Variants in FBXL20 observed in about 807,000 individuals in gnomAD.
FBXL20 encodes the protein F-box/LRR-repeat protein 20.
Under a neutral mutation model 64.0 loss-of-function variants are expected in FBXL20, and 11 were observed. That is an observed-to-expected ratio of 0.17 (90% CI 0.11 to 0.28). The LOEUF is 0.28. Ranked by LOEUF, FBXL20 falls within the 10% of genes least tolerant of loss-of-function variation. The pLI, the probability that FBXL20 is intolerant of heterozygous loss-of-function variation, is 1.00. For synonymous variants in FBXL20, 184 were observed against 189.0 expected (o/e 0.97, Z 0.22); for missense variants, 303 against 526.2 (o/e 0.58, Z 4.15).
chr17:39,273,955 T>C (rs995109513), intron 10 of FBXL20, among the ~76,000 whole-genome samples: 6 of 152,036 alleles, frequency 3.9e-5, no homozygotes, highest in African/African-American at 7.2e-5. Context: ...CTCACTGCTG[T>C]CTTGACCTCC....
At chr17:39,292,975 T>C (rs2047053785) in intron 6 of FBXL20, among the ~76,000 whole-genome samples, 2 of 151,972 alleles carry the variant, frequency 1.3e-5, no homozygotes, top group Admixed American at 1.3e-4. Flanking sequence ...GTATTTTTAG[T>C]AGAGACGGGG....
chr17:39,281,104 T>G (rs1179606470), intron 9 of FBXL20, among the ~76,000 whole-genome samples: 1 of 152,186 alleles, frequency 6.6e-6, no homozygotes, highest in Non-Finnish European at 1.5e-5. Context: ...ATCATTTACA[T>G]TTTAAAAGTA....
At chr17:39,352,741 C>T (rs2047699836) in intron 1 of FBXL20, among the ~76,000 whole-genome samples, 2 of 150,952 alleles carry the variant, frequency 1.3e-5, no homozygotes, top group South Asian at 4.2e-4. Flanking sequence ...TCAACAGTGA[C>T]CCCTATTGCT....
chr17:39,273,905 ACT>A (rs1040856466), intron 10 of FBXL20, among the ~76,000 whole-genome samples: 5 of 151,264 alleles, frequency 3.3e-5, no homozygotes, highest in African/African-American at 1.2e-4. Context: ...AAAGAGTCTC[ACT>A]CTGTTGCCCA....
chr17:39,396,394 A>C (rs1189590645), intron 1 of FBXL20, among the ~76,000 whole-genome samples: 3 of 151,210 alleles, frequency 2.0e-5, no homozygotes, highest in Non-Finnish European at 4.4e-5. Flanking sequence ...TCAGTAGTTC[A>C]AGACCAGTCT....
At chr17:39,341,580 C>G (rs781616899) in intron 2 of FBXL20, among the ~76,000 whole-genome samples, 24 of 152,124 alleles carry the variant, frequency 1.6e-4, no homozygotes, top group Non-Finnish European at 3.1e-4. Context: ...ATATATGGTA[C>G]CTACAGGACT....
intron 6 of FBXL20, 52 bp from the exon 7 acceptor site, chr17:39,285,625 C>T (rs1168366849): frequency 1.7e-6 from 2 of 1,193,930 alleles, no homozygotes; most frequent in Non-Finnish European, 2.4e-6. Flanking sequence ...AAGTACACAT[C>T]CTTGGTATAT....
intron 9 of FBXL20, 95 bp from the exon 10 acceptor site, chr17:39,275,195 A>C: frequency 7.7e-7 from 1 of 1,302,482 alleles, no homozygotes; most frequent in Non-Finnish European, 1.0e-6. Context: ...ATCACCAAAA[A>C]GGAAATCAAG....
intron 10 of FBXL20, among the ~76,000 whole-genome samples, chr17:39,272,966 T>C (rs2046859578): frequency 2.6e-5 from 4 of 152,180 alleles, no homozygotes; most frequent in Admixed American, 2.6e-4. Context: ...TATTTTAGGC[T>C]TCTGATATTA....
intron 1 of FBXL20, among the ~76,000 whole-genome samples, chr17:39,380,925 A>G (rs964331273): frequency 6.6e-6 from 1 of 151,710 alleles, no homozygotes; most frequent in Non-Finnish European, 1.5e-5. Context: ...TTAGGGAAGC[A>G]GAGGCCGGTG....
At chr17:39,308,126 C>A (rs923014048) in intron 2 of FBXL20, among the ~76,000 whole-genome samples, 1 of 151,084 alleles carries the variant, frequency 6.6e-6, no homozygotes, top group African/African-American at 2.4e-5. Flanking sequence ...GGATCACTTG[C>A]GGCCAAAAGT....
In FBXL20 at chr17:39,285,747, T is replaced by TA. The variant is rs536901490; in HGVS notation, c.399-175dup. Among the ~76,000 whole-genome samples the TA allele has an allele frequency of 1.6e-4, 25 of 152,324 alleles. No individual in the cohort carries two copies. The South Asian group carries it at 5.2e-3, about 32-fold the overall frequency. Reference sequence around the variant, plus strand: ...CCCTTCACATTGAGGAAGAGACAGATACCATTCACAAAGAAAAAAGGCTGT... The same window carrying TA: ...CCCTTCACATTGAGGAAGAGACAGATAACCATTCACAAAGAAAAAAGGCTGT... On this transcript the variant is annotated intron_variant, in intron 6 of 14. Transcript: ENST00000264658.
chr17:39,381,476 T>C (rs2048022510), intron 1 of FBXL20, among the ~76,000 whole-genome samples: 1 of 120,648 alleles, frequency 8.3e-6, no homozygotes, highest in Non-Finnish European at 1.6e-5. Context: ...TGAGACTCTG[T>C]CTCAAAAAAA....
intron 2 of FBXL20, among the ~76,000 whole-genome samples, chr17:39,340,500 G>A (rs2047572093): frequency 6.6e-6 from 1 of 152,316 alleles, no homozygotes; most frequent in South Asian, 2.1e-4. Flanking sequence ...AAAGTGCTAG[G>A]ATTATAGGTG....
chr17:39,345,493 G>T (rs2047623481), intron 1 of FBXL20, among the ~76,000 whole-genome samples: 1 of 152,060 alleles, frequency 6.6e-6, no homozygotes, highest in African/African-American at 2.4e-5. Flanking sequence ...GAAATGGTAG[G>T]GAAGTCACAG....
intron 3 of FBXL20, among the ~76,000 whole-genome samples, chr17:39,302,985 CACTGCAAGCTCCG>C (rs1193973235): frequency 6.7e-6 from 1 of 149,388 alleles, no homozygotes; most frequent in Non-Finnish European, 1.5e-5. Flanking sequence ...GATCTCGGCT[CACTGCAAGCTCCG>C]ATTCTGCATT....
intron 1 of FBXL20, among the ~76,000 whole-genome samples, chr17:39,385,148 G>T (rs2048065926): frequency 6.6e-6 from 1 of 152,038 alleles, no homozygotes; most frequent in Non-Finnish European, 1.5e-5. Flanking sequence ...CTTGAGCCTA[G>T]GAGGTCAAGG....
intron 1 of FBXL20, among the ~76,000 whole-genome samples, chr17:39,387,564 C>T (rs1456710191): frequency 6.6e-6 from 1 of 150,426 alleles, no homozygotes; most frequent in East Asian, 2.0e-4. Context: ...CAGGCGTGTG[C>T]CACAGCGCCC....
At chr17:39,286,322 T>C (rs1255437300) in intron 6 of FBXL20, among the ~76,000 whole-genome samples, 1 of 152,174 alleles carries the variant, frequency 6.6e-6, no homozygotes, top group Admixed American at 6.5e-5. Flanking sequence ...CAAGCAATTC[T>C]CATGCCTCAG....
Sources: gnomAD v4.1 joint callset for allele counts (sites outside exome capture counted in the v4.1 genomes callset) on GRCh38, gnomAD v4.1.1 for gene constraint, MANE v1.5 for transcripts, NCBI Gene and HGNC (gene_info 2026-07-23, HGNC 2026-07-21) for gene names.